COL3A1: variants seen among roughly 807,000 people sequenced by gnomAD.
COL3A1 encodes the protein collagen alpha-1(III) chain.
COL3A1 carries 46 observed loss-of-function variants against 200.9 expected under a neutral mutation model. The ratio of observed to expected loss-of-function variants is 0.23; its 90% CI spans 0.18 to 0.29. COL3A1 has a LOEUF of 0.29. COL3A1 is among the 10% of genes least tolerant of loss of function. The pLI is 1.00. For synonymous variants in COL3A1, 650 were observed against 628.0 expected, an observed-to-expected ratio of 1.03 and a Z score of -0.52; for missense variants, 1,367 against 1,917.6, an observed-to-expected ratio of 0.71 and a Z score of 5.36.
In COL3A1 at chr2:188,994,588, T is replaced by G; in HGVS notation, c.1341T>G (p.Gly447=). ...NGAKGEPGPR[G]ERGEAGIPGV... ...CCAAAGGAGAGCCCGGACCACGTGG[T>G]GAACGCGTAAGTTTTACTGCAACAG... is the stretch of plus-strand genomic sequence containing the variant. The change falls in exon 19 of 51, where the codon GGT becomes GGG. Residue 447 remains glycine, a synonymous_variant. Transcript: ENST00000304636. This position sits in a 1 kb window ranked among gnomAD's most constrained non-coding sequence, Gnocchi z 4.5. The G allele has an allele frequency of 6.2e-7, 1 of 1,614,144 alleles. No homozygotes were observed. The highest frequency in any genetic ancestry group is 8.5e-7 in the Non-Finnish European group (1 of 1,180,024).
chr2:188,981,051 T>C (rs374423803), intron 1 of COL3A1, among the ~76,000 whole-genome samples: 6 of 151,446 alleles, frequency 4.0e-5, no homozygotes, highest in East Asian at 3.9e-4. Flanking sequence ...GGGAATAATA[T>C]TATTGCTCCA....
At chr2:188,978,403 T>C (rs1687872352) in intron 1 of COL3A1, among the ~76,000 whole-genome samples, 1 of 151,980 alleles carries the variant, frequency 6.6e-6, no homozygotes, top group Non-Finnish European at 1.5e-5. Context: ...GCCCCTGTTC[T>C]ACATCTACGG....
chr2:188,996,552 C>T (rs1688324681), intron 24 of COL3A1, 56 bp downstream of exon 24: 2 of 1,416,812 alleles, frequency 1.4e-6, no homozygotes, highest in Non-Finnish European at 9.9e-7. Context: ...CTTTTATTTT[C>T]CATATGGAGT....
chr2:189,007,091 G>T (rs1688602723), intron 44 of COL3A1, 101 bp downstream of exon 44: 3 of 312,710 alleles, frequency 9.6e-6, no homozygotes, highest in Admixed American at 5.3e-5. Context: ...CAGGAAAAAA[G>T]AATGAATATA....
At chr2:189,002,449 T>C in intron 35 of COL3A1, 98 bp downstream of exon 35, 1 of 1,017,458 alleles carries the variant, frequency 9.8e-7, no homozygotes, top group East Asian at 2.5e-5. Flanking sequence ...TCTAGTCTCA[T>C]TTTAGCTGCT....
chr2:189,006,126 T>C, intron 41 of COL3A1, 80 bp from the exon 42 acceptor site: 1 of 1,435,230 alleles, frequency 7.0e-7, no homozygotes. Flanking sequence ...AGAATTATAT[T>C]GCCCTGCTGA....
chr2:189,010,124 CA>C, intron 48 of COL3A1, 53 bp from the exon 49 acceptor site: 6 of 1,567,788 alleles, frequency 3.8e-6, no homozygotes, highest in Non-Finnish European at 5.3e-6. Context: ...CAAACAAAAT[CA>C]CTTTATTACT....
At chr2:188,998,929 C>G (rs1688390732) in intron 29 of COL3A1, among the ~76,000 whole-genome samples, 1 of 152,194 alleles carries the variant, frequency 6.6e-6, no homozygotes, top group Non-Finnish European at 1.5e-5. Flanking sequence ...TTCATAATCA[C>G]TACAGAATCA....
chr2:189,010,062 A>C (rs1219703487), intron 48 of COL3A1, 116 bp from the exon 49 acceptor site: 2 of 954,216 alleles, frequency 2.1e-6, no homozygotes, highest in Admixed American at 4.0e-5. Context: ...CATTCTATAC[A>C]TAAAATGCAG....
chr2:188,999,545 G>A lies in COL3A1; in HGVS notation c.2197G>A (p.Gly733Ser). 3 of 1,613,858 alleles carry A rather than the reference G, an allele frequency of 1.9e-6. No homozygotes were observed. The highest frequency in any genetic ancestry group is 2.5e-6 in the Non-Finnish European group (3 of 1,180,030). ...GLQGMPGERG[G>S]LGSPGPKGDK... ...GCAAGGAATGCCTGGAGAAAGAGGAGGTCTTGGAAGTCCTGGTCCAAAGGG... is the reference window on the plus strand; with the variant it reads ...GCAAGGAATGCCTGGAGAAAGAGGAAGTCTTGGAAGTCCTGGTCCAAAGGG... The change falls in exon 31 of 51, where the codon GGT becomes AGT. Residue 733 changes from glycine (G) to serine (S), a missense_variant. Around this residue, in one of 5 missense-constraint regions of COL3A1, gnomAD observed 846 missense variants for 1,147.9 expected, o/e 0.74. Coordinates refer to ENST00000304636, the MANE Select transcript of COL3A1 (RefSeq NM_000090.4).
Position 188,998,263 on chromosome 2 carries a change from T to C in COL3A1, c.1924-3T>C, listed in dbSNP as rs1288406443. 1 of 1,613,428 alleles carries C rather than the reference T, an allele frequency of 6.2e-7. No individual in the cohort carries two copies. The highest frequency in any genetic ancestry group is 1.7e-5 in the Admixed American group (1 of 59,992). The stretch of plus-strand genomic sequence containing the variant: ...TACCTAATACAAATATGATTCTTTC[T>C]AGGGCTTGCCTGGTACAGGTGGTCC... On this transcript the variant is annotated splice_region_variant and splice_polypyrimidine_tract_variant and intron_variant, in intron 27 of 50. Coordinates refer to ENST00000304636, the MANE Select transcript of COL3A1 (RefSeq NM_000090.4).
intron 13 of COL3A1, 89 bp from the exon 14 acceptor site, chr2:188,992,095 C>A (rs1306125095): frequency 7.9e-7 from 1 of 1,269,840 alleles, no homozygotes; most frequent in Non-Finnish European, 1.2e-6. Flanking sequence ...GAAAACTCAA[C>A]TCACTTGAGT....
chr2:188,998,243 A>G, intron 27 of COL3A1, 23 bp from the exon 28 acceptor site: 1 of 1,606,708 alleles, frequency 6.2e-7, no homozygotes, highest in Non-Finnish European at 8.5e-7. Flanking sequence ...GTAATTACCT[A>G]ATACAAATAT....
At chr2:188,989,364 A>G in intron 7 of COL3A1, 32 bp from the exon 8 acceptor site, 1 of 1,519,140 alleles carries the variant, frequency 6.6e-7, no homozygotes, top group Non-Finnish European at 9.0e-7. Flanking sequence ...AAAATTTACA[A>G]ATCTATTCAT....
intron 3 of COL3A1, 118 bp from the exon 4 acceptor site, chr2:188,985,547 A>G (rs1446458077): frequency 1.2e-5 from 9 of 724,572 alleles, no homozygotes; most frequent in Non-Finnish European, 1.8e-5. Flanking sequence ...TGTGTTATAA[A>G]GAAAATATAT....
At chr2:188,997,657 T>A in intron 26 of COL3A1, 43 bp from the exon 27 acceptor site, 2 of 1,579,808 alleles carry the variant, frequency 1.3e-6, no homozygotes, top group East Asian at 4.5e-5. Context: ...AGACTAAATA[T>A]AAAAGGATGT....
At chr2:188,995,996 C>A in intron 22 of COL3A1, 129 bp from the exon 23 acceptor site, 1 of 997,278 alleles carries the variant, frequency 1.0e-6, no homozygotes, top group Non-Finnish European at 1.5e-6. Context: ...ACTTTATAGA[C>A]AGGAAAAAAG....
At chr2:188,987,001 TA>T in intron 4 of COL3A1, 57 bp from the exon 5 acceptor site, 1 of 1,499,592 alleles carries the variant, frequency 6.7e-7, no homozygotes, top group Admixed American at 1.7e-5. Flanking sequence ...AAATGCTTTT[TA>T]AAAGAATTAT....
At chr2:188,985,083 T>G in intron 2 of COL3A1, 114 bp from the exon 3 acceptor site, 1 of 1,414,062 alleles carries the variant, frequency 7.1e-7, no homozygotes, top group East Asian at 2.3e-5. Context: ...ATGTTTGTAT[T>G]ACGAGTAAAA....
Sources: allele counts gnomAD v4.1 joint callset (sites outside exome capture counted in the v4.1 genomes callset), GRCh38; gene constraint gnomAD v4.1.1; regional missense constraint gnomAD v4.1.1; non-coding constraint Gnocchi (gnomAD v3.1); transcripts MANE v1.5; gene names NCBI Gene and HGNC (gene_info 2026-07-23, HGNC 2026-07-21).